The following LRPPRC variants were observed in gnomAD, a reference collection of about 807,000 sequenced individuals.
LRPPRC encodes the protein leucine-rich PPR motif-containing protein, mitochondrial.
In LRPPRC, 120 loss-of-function variants were observed where a neutral mutation model predicts 180.3. The ratio of observed to expected loss-of-function variants is 0.67; its 90% CI spans 0.57 to 0.77. The LOEUF (loss-of-function observed/expected upper bound fraction) is 0.77. LRPPRC is among the 30% of genes least tolerant of loss of function. The pLI, the probability that LRPPRC is intolerant of heterozygous loss-of-function variation, is 0.00. For missense variants in LRPPRC, 2,012 were observed against 1,657.2 expected (o/e 1.21, Z -3.72); for synonymous variants, 723 against 600.0 (o/e 1.21, Z -3.00).
intron 11 of LRPPRC, among the ~76,000 whole-genome samples, chr2:43,968,381 T>C (rs1032168742): frequency 3.3e-5 from 5 of 152,204 alleles, no homozygotes; most frequent in Non-Finnish European, 5.9e-5. Flanking sequence ...GCCTATTGAA[T>C]AGATGGAAGT....
At chr2:43,942,742 G>T (rs1286930948) in intron 23 of LRPPRC, among the ~76,000 whole-genome samples, 1 of 151,836 alleles carries the variant, frequency 6.6e-6, no homozygotes, top group East Asian at 1.9e-4. Context: ...GCATCAACAG[G>T]ACAACATCCA....
At chr2:43,989,024 G>A (rs1478113935) in intron 1 of LRPPRC, among the ~76,000 whole-genome samples, 1 of 152,062 alleles carries the variant, frequency 6.6e-6, no homozygotes, top group Non-Finnish European at 1.5e-5. Flanking sequence ...ACAGGTGCAT[G>A]CCACCACAGC....
chr2:43,905,892 T>C (rs983050621), intron 30 of LRPPRC, 112 bp from the exon 31 acceptor site: 102 of 790,004 alleles, frequency 1.3e-4, no homozygotes, highest in Non-Finnish European at 2.2e-4. Context: ...GTTAAAAATA[T>C]TGCTGCAAAA....
chr2:43,918,011 C>G lies in LRPPRC; in HGVS notation c.3148+14G>C. 1 of 1,579,024 alleles carries G rather than the reference C, an allele frequency of 6.3e-7. No homozygotes were observed. The highest frequency in any genetic ancestry group is 8.7e-7 in the Non-Finnish European group (1 of 1,148,952). Reference sequence around the variant, plus strand: ...CACCCCCCCACACACACCCCCATCCCCGTATGTGCTTGCCTTTTTTTTGGT... The same window carrying G: ...CACCCCCCCACACACACCCCCATCCGCGTATGTGCTTGCCTTTTTTTTGGT... On this transcript the variant is annotated intron_variant, in intron 29 of 37. Coordinates refer to ENST00000260665, the MANE Select transcript of LRPPRC (RefSeq NM_133259.4).
Position 43,887,008 on chromosome 2 carries a change from T to C in LRPPRC, c.*1592A>G, listed in dbSNP as rs994692776. ...TTACCATACAAAAATTAGCTGAACA[T>C]GGTGGTGCAAGCCTGTAATCTCAGC... On this transcript the variant is annotated 3_prime_UTR_variant, in exon 38 of 38. Transcript: ENST00000260665. The C allele has an allele frequency of 1.3e-5, 2 of 151,734 alleles. No homozygotes were observed. The highest frequency in any genetic ancestry group is 1.3e-4 in the Admixed American group (2 of 15,242). 9.4% of individuals were successfully genotyped at this position (151,734 alleles called of 1,614,324 possible).
chr2:43,947,504 G>A (rs1278198498), intron 19 of LRPPRC, 134 bp from the exon 20 acceptor site: 4 of 662,314 alleles, frequency 6.0e-6, no homozygotes, highest in Non-Finnish European at 8.1e-6. Flanking sequence ...GATATTAATT[G>A]GGGAATCCAT....
chr2:43,951,727 G>A (rs566995612), intron 14 of LRPPRC, among the ~76,000 whole-genome samples: 2 of 152,210 alleles, frequency 1.3e-5, no homozygotes, highest in South Asian at 2.1e-4. Context: ...CTCTACTTTC[G>A]TGAAGGTTTA....
chr2:43,904,725 C>CA (rs373490422), intron 31 of LRPPRC: 10,641 of 139,690 alleles, frequency 0.076, 538 homozygotes, highest in South Asian at 0.14. Flanking sequence ...AAAAACAAAA[C>CA]AAAAAAAAAC....
At chr2:43,958,051 T>C (rs1235944254) in intron 13 of LRPPRC, among the ~76,000 whole-genome samples, 1 of 152,216 alleles carries the variant, frequency 6.6e-6, no homozygotes, top group Non-Finnish European at 1.5e-5. Context: ...CTACTACTCA[T>C]TTTGACATTT....
chr2:43,996,127 A>C, upstream of LRPPRC: 2 of 554,964 alleles, frequency 3.6e-6, no homozygotes, highest in Non-Finnish European at 6.3e-6. Flanking sequence ...AGAAGACCCA[A>C]TGTAATATTT....
chr2:43,926,680 C>T lies in LRPPRC; in HGVS notation c.2737-719G>A, dbSNP rs191516157. ...CCACACCTGACTGCACGTGCTCTTT[C>T]TCATTTACACGCTCTCTCTTGAACA... is the stretch of plus-strand genomic sequence containing the variant. On this transcript the variant is annotated intron_variant, in intron 25 of 37. Coordinates refer to ENST00000260665, the MANE Select transcript of LRPPRC (RefSeq NM_133259.4). 1.2e-4 allele frequency among the ~76,000 whole-genome samples: 19 copies of T among 152,298 alleles called. No homozygotes were observed. In the East Asian group the frequency reaches 2.5e-3, roughly 20 times the overall value.
intron 30 of LRPPRC, among the ~76,000 whole-genome samples, chr2:43,906,416 C>CA (rs1342185592): frequency 6.6e-6 from 1 of 151,922 alleles, no homozygotes; most frequent in Non-Finnish European, 1.5e-5. Flanking sequence ...AACTCAAGAG[C>CA]AAAAAATCAC....
At chr2:43,986,268 T>C (rs1674522526) in intron 1 of LRPPRC, among the ~76,000 whole-genome samples, 1 of 152,294 alleles carries the variant, frequency 6.6e-6, no homozygotes, top group Non-Finnish European at 1.5e-5. Context: ...TAGCTGGGAT[T>C]ACAGGCACAC....
intron 32 of LRPPRC, among the ~76,000 whole-genome samples, chr2:43,901,062 T>C (rs945137097): frequency 3.3e-5 from 5 of 152,230 alleles, no homozygotes; most frequent in African/African-American, 1.2e-4. Flanking sequence ...GCCTGGCATA[T>C]ATACACAGGA....
At chr2:43,949,682 C>A (rs775297620) in intron 15 of LRPPRC, 23 bp from the exon 16 acceptor site, 1 of 1,552,504 alleles carries the variant, frequency 6.4e-7, no homozygotes, top group South Asian at 1.1e-5. Context: ...AAAATTCGTG[C>A]ATTGCAGCAA....
Position 43,960,663 on chromosome 2 carries a change from T to C in LRPPRC, c.1489-29A>G, listed in dbSNP as rs375753247. 9.9e-6 allele frequency: 10 copies of C among 1,008,222 alleles called. No homozygotes were observed. The African/African-American group carries it at 1.6e-4, about 16-fold the overall frequency. The allele number at this position is 1,008,222 out of a possible 1,614,324, so 62.5% of individuals were successfully genotyped here. ...GAGATAAAGCATATATCAATGAGAA[T>C]ACATCTCAGCTAACAATATTTTGAT... On this transcript the variant is annotated intron_variant, in intron 12 of 37. Transcript: ENST00000260665.
intron 37 of LRPPRC, among the ~76,000 whole-genome samples, chr2:43,889,417 G>C (rs1487145113): frequency 6.6e-6 from 1 of 151,332 alleles, no homozygotes; most frequent in Non-Finnish European, 1.5e-5. Flanking sequence ...TAATATGCTT[G>C]GCTGTTGAAC....
At chr2:43,954,792 T>C (rs1185672759) in intron 14 of LRPPRC, among the ~76,000 whole-genome samples, 1 of 152,176 alleles carries the variant, frequency 6.6e-6, no homozygotes, top group Non-Finnish European at 1.5e-5. Context: ...ATTGAAAATT[T>C]ATGGTATAGC....
At chr2:43,992,791 A>G (rs1262028097) in intron 1 of LRPPRC, among the ~76,000 whole-genome samples, 2 of 152,158 alleles carry the variant, frequency 1.3e-5, no homozygotes, top group Non-Finnish European at 2.9e-5. Context: ...CACAAGAGGA[A>G]CAGATGAAAG....
Sources: allele counts gnomAD v4.1 joint callset (sites outside exome capture counted in the v4.1 genomes callset), GRCh38; gene constraint gnomAD v4.1.1; transcripts MANE v1.5; gene names NCBI Gene and HGNC (gene_info 2026-07-23, HGNC 2026-07-21).